Variants in NWD1 observed in about 807,000 individuals in gnomAD.
The protein encoded by NWD1 is NACHT and WD repeat domain containing 1, also known as NACHT domain- and WD repeat-containing protein 1.
A neutral mutation model predicts 135.1 loss-of-function variants in NWD1; 129 were observed. The observed-to-expected ratio is 0.96, with a 90% confidence interval of 0.83 to 1.11. The LOEUF (loss-of-function observed/expected upper bound fraction) is 1.11. Ranked by LOEUF, NWD1 falls within the 50% of genes least tolerant of loss-of-function variation. The probability of loss-of-function intolerance (pLI) is 0.00; values close to 1 mark genes in which losing one functional copy is unlikely to be tolerated. For missense variants in NWD1, 1,740 were observed against 1,851.3 expected (o/e 0.94, Z 1.10); for synonymous variants, 773 against 786.0 (o/e 0.98, Z 0.28).
chr19:16,779,541 T>C lies in NWD1; in HGVS notation c.2731+76T>C, dbSNP rs1384151879. The C allele has an allele frequency of 3.6e-6, 5 of 1,388,168 alleles. No individual in the cohort carries two copies. In the Admixed American group the frequency reaches 8.5e-5, roughly 24 times the overall value. 86.0% of individuals were successfully genotyped at this position (1,388,168 alleles called of 1,614,324 possible). ...GTTCTCAGAGCCCCTTCCCCACAGA[T>C]TCACTTCTCTGTATTGAAACCCTGG... is the stretch of plus-strand genomic sequence containing the variant. On this transcript the variant is annotated intron_variant, in intron 12 of 18. Transcript: ENST00000524140.
At chr19:16,769,600 G>T (rs1243132975) in intron 10 of NWD1, among the ~76,000 whole-genome samples, 3 of 152,054 alleles carry the variant, frequency 2.0e-5, no homozygotes, top group Admixed American at 2.0e-4. Flanking sequence ...GGAGATGCTT[G>T]TCTCCATCCT....
chr19:16,801,904 C>T (rs7248270), intron 17 of NWD1, among the ~76,000 whole-genome samples: 7,899 of 152,000 alleles, frequency 0.052, 287 homozygotes, highest in African/African-American at 0.1. Context: ...GAACCTGACC[C>T]CAGCTACTCA....
chr19:16,782,496 G>A (rs561315698), intron 12 of NWD1, among the ~76,000 whole-genome samples: 4 of 151,806 alleles, frequency 2.6e-5, no homozygotes, highest in African/African-American at 4.8e-5. Context: ...AAAATGGGTG[G>A]GGGTGGAGAA....
chr19:16,784,921 G>C (rs1313193648), intron 12 of NWD1, among the ~76,000 whole-genome samples: 1 of 151,006 alleles, frequency 6.6e-6, no homozygotes, highest in Non-Finnish European at 1.5e-5. Flanking sequence ...GACAGAGTGA[G>C]ACTCCGTCTC....
chr19:16,799,063 G>T (rs1484766474), intron 16 of NWD1, among the ~76,000 whole-genome samples: 1 of 152,098 alleles, frequency 6.6e-6, no homozygotes, highest in Non-Finnish European at 1.5e-5. Flanking sequence ...TTTGGGAACT[G>T]CTCTGGAAGC....
chr19:16,797,765 A>G lies in NWD1; in HGVS notation c.3338A>G (p.Asp1113Gly), dbSNP rs772949434. 1.2e-5 allele frequency: 19 copies of G among 1,613,670 alleles called. No homozygotes were observed. The highest frequency in any genetic ancestry group is 1.4e-5 in the Non-Finnish European group (16 of 1,179,858). Residue 1113 changes from aspartate (D) to glycine (G), a missense_variant, in exon 16 of 19, where the codon GAC becomes GGC. Physicochemically the swap from Asp to Gly is moderately conservative, Grantham distance 94. Coordinates refer to ENST00000524140, the MANE Select transcript of NWD1 (RefSeq NM_001007525.5). ...AGATCGGTGCGGATATTCTTGGCGG[A>G]CTCGAGGGGCTTTCGCCGATTCATG... is the stretch of plus-strand genomic sequence containing the variant. Reference protein sequence around the residue: ...FGRSVRIFLADSRGFRRFMAM... With the variant: ...FGRSVRIFLAGSRGFRRFMAM...
rs377718201 is a variant in NWD1 at position 16,750,051 on chromosome 19, C to T, written c.1409C>T (p.Ser470Leu). The change falls in exon 6 of 19, where the codon TCG becomes TTG. Residue 470 changes from serine to leucine, a missense_variant. Coordinates refer to ENST00000524140, the MANE Select transcript of NWD1 (RefSeq NM_001007525.5). ...GTGCACCTCATCCTCTCAGCTTGCT[C>T]GGGGGCACTGGGGGTTTTGGACACC... is the stretch of plus-strand genomic sequence containing the variant. ...PRVHLILSAC[S>L]GALGVLDTLQ... is the part of the protein sequence containing the mutation. 8.7e-6 allele frequency: 14 copies of T among 1,613,798 alleles called. No homozygotes were observed. The highest frequency in any genetic ancestry group is 5.3e-5 in the African/African-American group (4 of 74,920).
chr19:16,740,766 T>C (rs1321275256), intron 4 of NWD1, among the ~76,000 whole-genome samples: 1 of 151,186 alleles, frequency 6.6e-6, no homozygotes, highest in Non-Finnish European at 1.5e-5. Flanking sequence ...GCCACCGCAC[T>C]GGCCCAGGTT....
chr19:16,762,400 C>T (rs1246888059), intron 8 of NWD1, among the ~76,000 whole-genome samples: 1 of 148,606 alleles, frequency 6.7e-6, no homozygotes, highest in South Asian at 2.1e-4. Context: ...AGGTTCAAGC[C>T]ATTTTCCTGC....
At chr19:16,774,738 T>C (rs914268890) in intron 11 of NWD1, among the ~76,000 whole-genome samples, 1 of 151,866 alleles carries the variant, frequency 6.6e-6, no homozygotes, top group Non-Finnish European at 1.5e-5. Context: ...TCATTCATCC[T>C]TCAACCCTTT....
At chr19:16,753,553 C>T (rs73521233) in intron 6 of NWD1, among the ~76,000 whole-genome samples, 6,878 of 152,200 alleles carry the variant, frequency 0.045, 511 homozygotes, top group African/African-American at 0.16. Flanking sequence ...GGATAGTTCT[C>T]CACGCCCCCC....
chr19:16,793,465 T>C (rs1319934484), intron 14 of NWD1, among the ~76,000 whole-genome samples: 1 of 151,988 alleles, frequency 6.6e-6, no homozygotes, highest in East Asian at 1.9e-4. Context: ...GTTTCAAACT[T>C]ATGGGCTCAT....
At chr19:16,786,314 T>C (rs189320490) in intron 12 of NWD1, among the ~76,000 whole-genome samples, 1 of 152,098 alleles carries the variant, frequency 6.6e-6, no homozygotes, top group East Asian at 1.9e-4. Context: ...AGTCATATCC[T>C]TGTTCTGTTA....
At position 16,731,686 on chromosome 19, in the gene NWD1, C is replaced by A. The variant is rs187073745; in HGVS notation, c.81+408C>A. Among the ~76,000 whole-genome samples the A allele has an allele frequency of 2.0e-3, 304 of 151,234 alleles. 1 individual carries two copies. The highest frequency in any genetic ancestry group is 6.8e-3 in the African/African-American group (281 of 41,156). On this transcript the variant is annotated intron_variant, in intron 3 of 18. Coordinates refer to ENST00000524140, the MANE Select transcript of NWD1 (RefSeq NM_001007525.5). ...ATGGTGCAATCTCAGCTCACTGCAA[C>A]CTTGGCCTCCAGGGTTCAAGCGATT...
chr19:16,759,262 T>A lies in NWD1; in HGVS notation c.1807T>A (p.Ser603Thr), dbSNP rs1371133692. The A allele has an allele frequency of 1.2e-6, 2 of 1,614,094 alleles. No individual in the cohort carries two copies. The highest frequency in any genetic ancestry group is 2.2e-5 in the East Asian group (1 of 44,868). ...GGAGGCGGAGCTGAAGGATGTTTTG[T>A]CCCTGGACGACGAGGTCCTGCAGGA... is the stretch of plus-strand genomic sequence containing the variant. ...LSEAELKDVL[S>T]LDDEVLQDVY... is the part of the protein sequence containing the mutation. Residue 603 changes from serine (S) to threonine (T), a missense_variant, in exon 7 of 19, where the codon TCC (serine) becomes ACC (threonine). By Grantham distance (58) the Ser-to-Thr change is moderately conservative (BLOSUM62 1). Transcript: ENST00000524140.
At chr19:16,746,205 T>A (rs922790558) in intron 5 of NWD1, among the ~76,000 whole-genome samples, 8 of 150,852 alleles carry the variant, frequency 5.3e-5, no homozygotes, top group African/African-American at 9.7e-5. Context: ...AAAAAAAAAA[T>A]TAAAATTAGT....
At position 16,749,265 on chromosome 19, in the gene NWD1, T is replaced by C; in HGVS notation, c.623T>C (p.Val208Ala). 6.2e-7 allele frequency: 1 copy of C among 1,614,126 alleles called. No homozygotes were observed. The highest frequency in any genetic ancestry group is 8.5e-7 in the Non-Finnish European group (1 of 1,180,014). The change falls in exon 6 of 19, where the codon GTG becomes GCG. Residue 208 changes from valine to alanine, a missense_variant. Physicochemically the swap from Val to Ala is moderately conservative, Grantham distance 64 (BLOSUM62 0). Coordinates refer to ENST00000524140, the MANE Select transcript of NWD1 (RefSeq NM_001007525.5). The stretch of plus-strand genomic sequence containing the variant: ...CTTGAAGACTGCGCCCTTAGGATGG[T>C]GGACCGGCTCGCGGATGGCTGCCTG... The part of the protein sequence containing the change: ...HILEDCALRM[V>A]DRLADGCLDA...
intron 11 of NWD1, among the ~76,000 whole-genome samples, chr19:16,775,297 T>C (rs1969560232): frequency 7.2e-6 from 1 of 138,874 alleles, no homozygotes; most frequent in Admixed American, 6.7e-5. Flanking sequence ...GGCTCAGATG[T>C]TGTAAAAAAA....
chr19:16,813,714 T>C (rs773893), intron 18 of NWD1, among the ~76,000 whole-genome samples: 1,869 of 152,202 alleles, frequency 0.012, 34 homozygotes, highest in African/African-American at 0.042. Context: ...TGACCTTGGG[T>C]GATCCACCCA....
Sources: gnomAD v4.1 joint callset for allele counts (sites outside exome capture counted in the v4.1 genomes callset) on GRCh38, gnomAD v4.1.1 for gene constraint, MANE v1.5 for transcripts, NCBI Gene and HGNC (gene_info 2026-07-23, HGNC 2026-07-21) for gene names.